The following TFDP2 variants were observed in gnomAD, a reference collection of about 807,000 sequenced individuals.
The protein encoded by TFDP2 is transcription factor Dp-2.
In TFDP2, 17 loss-of-function variants were observed where a neutral mutation model predicts 59.3. That is an observed-to-expected ratio of 0.29 (90% CI 0.20 to 0.43). The LOEUF (loss-of-function observed/expected upper bound fraction) is 0.43. Among genes scored for constraint, TFDP2 ranks in the 20% least tolerant of loss-of-function variants. TFDP2 has a pLI of 1.00. For missense variants in TFDP2, 391 were observed against 528.8 expected, an observed-to-expected ratio of 0.74 and a Z score of 2.56; for synonymous variants, 180 against 194.7, an observed-to-expected ratio of 0.92 and a Z score of 0.63.
Position 142,140,759 on chromosome 3 carries a change from C to T in TFDP2, c.-93+8424G>A, listed in dbSNP as rs183799629. On this transcript the variant is annotated intron_variant, in intron 1 of 12. Transcript: ENST00000489671. ...TGCCTGATCCTTCCTCTGGAAGCTTCGTCCCAGGGGGGCACCCACCTGTAT... is the reference window on the plus strand; with the variant it reads ...TGCCTGATCCTTCCTCTGGAAGCTTTGTCCCAGGGGGGCACCCACCTGTAT... Among the ~76,000 whole-genome samples, 27 of 152,296 alleles carry T rather than the reference C, an allele frequency of 1.8e-4. No homozygotes were observed. The South Asian group carries it at 2.5e-3, about 14-fold the overall frequency.
chr3:142,149,047 C>A (rs1056819639), intron 1 of TFDP2, 136 bp downstream of exon 1: 1 of 392,698 alleles, frequency 2.5e-6, no homozygotes, highest in Non-Finnish European at 4.5e-6. Flanking sequence ...CCTGGAGAAC[C>A]CAGGTCTAAA....
At chr3:142,066,409 G>A (rs2108530874) in intron 3 of TFDP2, among the ~76,000 whole-genome samples, 1 of 152,258 alleles carries the variant, frequency 6.6e-6, no homozygotes, top group African/African-American at 2.4e-5. Flanking sequence ...AAACATTATA[G>A]GTTAGCTCAG....
At chr3:141,969,588 G>C (rs1187536887) in intron 9 of TFDP2, among the ~76,000 whole-genome samples, 1 of 151,952 alleles carries the variant, frequency 6.6e-6, no homozygotes, top group African/African-American at 2.4e-5. Context: ...CTCCAGCCTG[G>C]CGAAAGAGTG....
rs370986228 is a variant in TFDP2 at position 141,975,450 on chromosome 3, TGA to T, written c.520-1261_520-1260del. Among the ~76,000 whole-genome samples the T allele has an allele frequency of 4.8e-3, 730 of 152,122 alleles. 6 individuals are homozygous for T. Among genetic ancestry groups the T allele is most frequent in the African/African-American group, 0.017 (696 of 41,510 alleles). Reference sequence around the variant, plus strand: ...GCTCATGCCTGTAATCCCACCACTTTGAGAGGCCAAGGTGGGCGGATCACCTG... The same window carrying T: ...GCTCATGCCTGTAATCCCACCACTTTGAGGCCAAGGTGGGCGGATCACCTG... On this transcript the variant is annotated intron_variant, in intron 7 of 12. Coordinates refer to ENST00000489671, the MANE Select transcript of TFDP2 (RefSeq NM_001178139.2).
chr3:142,044,537 T>G (rs1303821506), intron 3 of TFDP2, among the ~76,000 whole-genome samples: 1 of 151,578 alleles, frequency 6.6e-6, no homozygotes, highest in Non-Finnish European at 1.5e-5. Context: ...CCCGGCCTAA[T>G]TTTTGTATTT....
chr3:141,969,072 AT>A (rs1939094673), intron 9 of TFDP2, among the ~76,000 whole-genome samples: 1 of 81,430 alleles, frequency 1.2e-5, no homozygotes, highest in Non-Finnish European at 2.2e-5. Context: ...TCTCATATAT[AT>A]GAGATATATA....
chr3:141,995,400 G>A (rs941694204), intron 4 of TFDP2, among the ~76,000 whole-genome samples: 1 of 152,152 alleles, frequency 6.6e-6, no homozygotes, highest in African/African-American at 2.4e-5. Context: ...GGATTAAGTA[G>A]AGAACTGATA....
chr3:142,093,434 G>A (rs960596969), intron 2 of TFDP2, among the ~76,000 whole-genome samples: 4 of 151,336 alleles, frequency 2.6e-5, no homozygotes, highest in Non-Finnish European at 5.9e-5. Context: ...CTGGATGACA[G>A]AGTGAGACCC....
chr3:142,113,649 T>C (rs2061740966), intron 1 of TFDP2, among the ~76,000 whole-genome samples: 1 of 152,112 alleles, frequency 6.6e-6, no homozygotes, highest in African/African-American at 2.4e-5. Context: ...ATGTTCAATC[T>C]GAGTCATTAA....
intron 4 of TFDP2, among the ~76,000 whole-genome samples, chr3:142,004,028 C>T (rs1944026956): frequency 6.6e-6 from 1 of 152,124 alleles, no homozygotes; most frequent in African/African-American, 2.4e-5. Flanking sequence ...TTTCAAAATG[C>T]AGATTTTTAA....
chr3:141,994,813 T>A, intron 5 of TFDP2: 1 of 415,246 alleles, frequency 2.4e-6, no homozygotes. Context: ...AGTTATGAGT[T>A]ATTGCACTGT....
intron 4 of TFDP2, 78 bp downstream of exon 4, chr3:142,005,363 A>G: frequency 3.3e-6 from 4 of 1,219,718 alleles, no homozygotes; most frequent in Non-Finnish European, 3.5e-6. Context: ...ATCTGATCAA[A>G]TATATTTAAT....
intron 6 of TFDP2, among the ~76,000 whole-genome samples, chr3:141,985,805 C>T (rs1345018970): frequency 3.9e-5 from 6 of 152,076 alleles, no homozygotes; most frequent in South Asian, 4.1e-4. Context: ...CCTCAAAAGA[C>T]ACCATTAAGA....
At chr3:142,106,966 TC>T (rs1467718334) in intron 1 of TFDP2, among the ~76,000 whole-genome samples, 1 of 152,180 alleles carries the variant, frequency 6.6e-6, no homozygotes. Context: ...GTGTAGACTT[TC>T]TAACACTGCC....
rs537409648 is a variant in TFDP2, at chr3:141,969,449, A to G, written c.732+624T>C. Among the ~76,000 whole-genome samples, 5 of 151,050 alleles carry G rather than the reference A, an allele frequency of 3.3e-5. No individual in the cohort carries two copies. The East Asian group carries it at 7.8e-4, about 24-fold the overall frequency. ...AAGATGGTGAAACCCCGTCTCTACT[A>G]AAAATACGAAAAAACTAGCCAGGCA... On this transcript the variant is annotated intron_variant, in intron 9 of 12. Transcript: ENST00000489671.
In TFDP2 at chr3:141,950,283, T is replaced by C. The variant is rs1576427893; in HGVS notation, c.*2230A>G. The C allele has an allele frequency of 1.3e-5, 2 of 152,214 alleles. No homozygotes were observed. Among genetic ancestry groups the C allele is most frequent in the African/African-American group, 2.4e-5 (1 of 41,462 alleles). 9.4% of individuals were successfully genotyped at this position (152,214 alleles called of 1,614,324 possible). On this transcript the variant is annotated 3_prime_UTR_variant, in exon 13 of 13. Transcript: ENST00000489671. ...CAGCGACATGTACTGGTGACCATGA[T>C]GTCACTCTGTGAGCTGGCCTCACCA... is the stretch of plus-strand genomic sequence containing the variant.
intron 3 of TFDP2, among the ~76,000 whole-genome samples, chr3:142,087,285 A>G (rs1177375970): frequency 6.6e-6 from 1 of 152,202 alleles, no homozygotes; most frequent in Non-Finnish European, 1.5e-5. Context: ...GTATACTTAC[A>G]CAAACCTAAA....
intron 8 of TFDP2, among the ~76,000 whole-genome samples, chr3:141,973,123 A>ATATTTTTTTTTTT: frequency 5.2e-5 from 3 of 58,022 alleles, no homozygotes; most frequent in East Asian, 3.4e-4. Context: ...ATATATATAT[A>ATATTTTTTTTTTT]TTTTTTTTTT....
chr3:141,974,895 T>TTTCTTC (rs763156785), intron 7 of TFDP2, among the ~76,000 whole-genome samples: 37 of 143,302 alleles, frequency 2.6e-4, no homozygotes, highest in East Asian at 4.0e-4. Context: ...GCTGACCATT[T>TTTCTTC]TTCTTCTTCT....
Sources: gnomAD v4.1 joint callset for allele counts (sites outside exome capture counted in the v4.1 genomes callset) on GRCh38, gnomAD v4.1.1 for gene constraint, MANE v1.5 for transcripts, NCBI Gene and HGNC (gene_info 2026-07-23, HGNC 2026-07-21) for gene names.